The following PRPS2 variants were observed in gnomAD, a reference collection of about 807,000 sequenced individuals.
The protein encoded by PRPS2 is ribose-phosphate pyrophosphokinase 2.
For missense variants in PRPS2, 104 were observed against 271.5 expected, an observed-to-expected ratio of 0.38 and a Z score of 4.34; for synonymous variants, 111 against 115.3, an observed-to-expected ratio of 0.96 and a Z score of 0.24.
chrX:12,795,256 C>G (rs773226086), intron 1 of PRPS2, among the ~76,000 whole-genome samples: 3 of 111,720 alleles, frequency 2.7e-5, no homozygotes, highest in East Asian at 2.8e-4. Flanking sequence ...ATTTACTTCC[C>G]CTTTGCCATA....
At chrX:12,793,194 T>C (rs377760041) in intron 1 of PRPS2, among the ~76,000 whole-genome samples, 1 of 112,489 alleles carries the variant, frequency 8.9e-6, no homozygotes. Context: ...GTCATATAAG[T>C]AAAGGAGAAA....
At chrX:12,810,297 C>A in intron 4 of PRPS2, 151 bp downstream of exon 4, 2 of 666,169 alleles carry the variant, frequency 3.0e-6, no homozygotes, top group Non-Finnish European at 4.4e-6. Context: ...ACTTCCAGAG[C>A]AGAAACCCAT....
chrX:12,796,852 ATTTTTTTTTT>A (rs35240522), intron 1 of PRPS2, among the ~76,000 whole-genome samples: 1 of 34,241 alleles, frequency 2.9e-5, no homozygotes, highest in African/African-American at 1.2e-4. Flanking sequence ...AGTATTTCAG[ATTTTTTTTTT>A]TTTTTTTTTT....
chrX:12,820,947 A>T (rs1171927463), intron 6 of PRPS2, 144 bp downstream of exon 6: 12 of 610,744 alleles, frequency 2.0e-5, no homozygotes, highest in Non-Finnish European at 2.9e-5. Flanking sequence ...GGCAGGATAT[A>T]AATCATATTA....
At chrX:12,817,468 TAAAAA>T (rs765566895) in intron 4 of PRPS2, among the ~76,000 whole-genome samples, 9 of 67,272 alleles carry the variant, frequency 1.3e-4, no homozygotes, top group African/African-American at 4.6e-4. Flanking sequence ...ATGTTCCTCA[TAAAAA>T]AAAAAAAAAA....
intron 4 of PRPS2, among the ~76,000 whole-genome samples, chrX:12,812,103 G>A (rs1266101987): frequency 1.8e-5 from 2 of 111,980 alleles, no homozygotes; most frequent in African/African-American, 3.2e-5. Flanking sequence ...GTTGAATGAC[G>A]CTGAGAGTCC....
chrX:12,814,694 G>A (rs2042639148), intron 4 of PRPS2, among the ~76,000 whole-genome samples: 1 of 111,821 alleles, frequency 8.9e-6, no homozygotes, highest in South Asian at 3.7e-4. Flanking sequence ...TTAAACCTAA[G>A]AAACCTACCT....
chrX:12,818,241 G>A (rs2042658227), intron 4 of PRPS2, among the ~76,000 whole-genome samples: 1 of 108,137 alleles, frequency 9.2e-6, no homozygotes, highest in African/African-American at 3.4e-5. Flanking sequence ...GGTGGTGCAT[G>A]CCTATCACCC....
At chrX:12,808,657 G>A (rs374778915) in intron 2 of PRPS2, among the ~76,000 whole-genome samples, 45 of 112,121 alleles carry the variant, frequency 4.0e-4, no homozygotes, top group African/African-American at 1.4e-3. Context: ...AATAGTGTTA[G>A]CGTCCAACTG....
chrX:12,814,068 A>C (rs3835359), intron 4 of PRPS2, among the ~76,000 whole-genome samples: 5,384 of 49,600 alleles, frequency 0.11, 264 homozygotes, highest in African/African-American at 0.21. Flanking sequence ...CAGCCCCCCC[A>C]CCCCCGACTC....
At chrX:12,808,736 G>C (rs921712819) in intron 2 of PRPS2, among the ~76,000 whole-genome samples, 1 of 112,129 alleles carries the variant, frequency 8.9e-6, no homozygotes, top group Non-Finnish European at 1.9e-5. Flanking sequence ...GCCTCTGGCT[G>C]TGTGAGGGTC....
chrX:12,809,450 C>G, intron 3 of PRPS2, 118 bp downstream of exon 3: 1 of 726,033 alleles, frequency 1.4e-6, no homozygotes, highest in Non-Finnish European at 2.0e-6. Flanking sequence ...TTTGTCTTTA[C>G]TAAACTTGAA....
chrX:12,822,824 C>T lies in PRPS2; in HGVS notation c.*28C>T. 8.7e-7 allele frequency: 1 copy of T among 1,147,928 alleles called. No individual in the cohort carries two copies. The highest frequency in any genetic ancestry group is 1.8e-5 in the African/African-American group (1 of 56,606). 94.6% of individuals were successfully genotyped at this position (1,147,928 alleles called of 1,213,427 possible). A position where few individuals can be genotyped will look rare whatever the true frequency, so the allele number is the denominator to read the frequency against. On this transcript the variant is annotated 3_prime_UTR_variant, in exon 7 of 7. Transcript: ENST00000380668. ...CCAGAATGGGAAGTGTCCAGCAAGCCTACTCTGACTTCTGACTTGTTTTTG... is the reference window on the plus strand; with the variant it reads ...CCAGAATGGGAAGTGTCCAGCAAGCTTACTCTGACTTCTGACTTGTTTTTG...
chrX:12,823,069 ATCTCTTCCTTTG>A lies in PRPS2; in HGVS notation c.*275_*286del, dbSNP rs773019578. 1.8e-5 allele frequency: 5 copies of A among 276,184 alleles called. No homozygotes were observed. The highest frequency in any genetic ancestry group is 3.1e-5 in the Non-Finnish European group (5 of 159,516). 22.8% of individuals were successfully genotyped at this position (276,184 alleles called of 1,213,427 possible). On this transcript the variant is annotated 3_prime_UTR_variant, in exon 7 of 7. Transcript: ENST00000380668. ...TTTTGACTTTTAACAGGTACAGGTGATCTCTTCCTTTGTTCTTTCAGTACTTTGAGGCGACAA... is the reference window on the plus strand; with the variant it reads ...TTTTGACTTTTAACAGGTACAGGTGATTCTTTCAGTACTTTGAGGCGACAA...
At chrX:12,792,204 A>G (rs1193519031) in intron 1 of PRPS2, among the ~76,000 whole-genome samples, 1 of 112,301 alleles carries the variant, frequency 8.9e-6, no homozygotes, top group African/African-American at 3.2e-5. Context: ...CAACGGGCGG[A>G]GGATCAGCGA....
rs184816828 is a variant in PRPS2 at position 12,802,852 on chromosome X, T to G, written c.306+3462T>G. 2.1e-3 allele frequency among the ~76,000 whole-genome samples: 241 copies of G among 112,650 alleles called. 1 individual carries two copies. The highest frequency in any genetic ancestry group is 7.5e-3 in the African/African-American group (232 of 31,069). On this transcript the variant is annotated intron_variant, in intron 2 of 6. Coordinates refer to ENST00000380668, the MANE Select transcript of PRPS2 (RefSeq NM_002765.5). ...TATCCCAGTCAGACAATTCCATGAC[T>G]TTCTGAGCTTAACTGCTGATAGAAG...
chrX:12,816,423 C>T (rs1356861528), intron 4 of PRPS2, among the ~76,000 whole-genome samples: 2 of 110,988 alleles, frequency 1.8e-5, no homozygotes, highest in Non-Finnish European at 3.8e-5. Context: ...CCACCTTAGC[C>T]TCCCAAGTAG....
chrX:12,821,366 A>G (rs2042674691), intron 6 of PRPS2, among the ~76,000 whole-genome samples: 1 of 101,870 alleles, frequency 9.8e-6, no homozygotes, highest in Admixed American at 1.1e-4. Flanking sequence ...AAAAGGAGGA[A>G]TATTGTGTTT....
chrX:12,807,675 T>C (rs2042600296), intron 2 of PRPS2, among the ~76,000 whole-genome samples: 1 of 111,131 alleles, frequency 9.0e-6, no homozygotes, highest in Non-Finnish European at 1.9e-5. Context: ...AAAGGCAACA[T>C]GGAATATAGT....
Sources: allele counts gnomAD v4.1 joint callset (sites outside exome capture counted in the v4.1 genomes callset), GRCh38; gene constraint gnomAD v4.1.1; transcripts MANE v1.5; gene names NCBI Gene and HGNC (gene_info 2026-07-23, HGNC 2026-07-21).